Variants in GALNT13 observed in about 807,000 individuals in gnomAD.
GALNT13 encodes polypeptide N-acetylgalactosaminyltransferase 13.
Under a neutral mutation model 64.2 loss-of-function variants are expected in GALNT13, and 28 were observed. That is an observed-to-expected ratio of 0.44 (90% CI 0.32 to 0.60). GALNT13 has a LOEUF of 0.60. Among genes scored for constraint, GALNT13 ranks in the 20% least tolerant of loss-of-function variants. The pLI is 0.05. For missense variants in GALNT13, 577 were observed against 669.8 expected, an observed-to-expected ratio of 0.86 and a Z score of 1.53; for synonymous variants, 214 against 224.6, an observed-to-expected ratio of 0.95 and a Z score of 0.42.
chr2:154,127,451 T>C (rs1298462482), intron 3 of GALNT13, among the ~76,000 whole-genome samples: 1 of 152,024 alleles, frequency 6.6e-6, no homozygotes, highest in African/African-American at 2.4e-5. Context: ...CAGAAGTAAA[T>C]TAAAACCACA....
At chr2:154,405,051 C>T (rs368112786) in intron 10 of GALNT13, among the ~76,000 whole-genome samples, 1 of 152,034 alleles carries the variant, frequency 6.6e-6, no homozygotes, top group Non-Finnish European at 1.5e-5. Flanking sequence ...AGAATGGTAT[C>T]TCTGCAAACA....
the GALNT13 span, among the ~76,000 whole-genome samples, chr2:153,472,895 G>A: frequency 7.2e-5 from 11 of 152,138 alleles, no homozygotes; most frequent in Non-Finnish European, 5.9e-5. Flanking sequence ...GAACATGGAT[G>A]AAGCTGGAAA....
chr2:154,271,281 G>T (rs1237855955), intron 8 of GALNT13, among the ~76,000 whole-genome samples: 1 of 151,958 alleles, frequency 6.6e-6, no homozygotes, highest in African/African-American at 2.4e-5. Context: ...GCAACGCATA[G>T]AATAATTGGC....
chr2:153,271,473 A>C, the GALNT13 span, among the ~76,000 whole-genome samples: 6 of 152,120 alleles, frequency 3.9e-5, no homozygotes. Flanking sequence ...CTATACACCA[A>C]TAATAGGCAG....
the GALNT13 span, among the ~76,000 whole-genome samples, chr2:153,135,695 A>C: frequency 2.0e-5 from 3 of 152,018 alleles, no homozygotes; most frequent in Non-Finnish European, 2.9e-5. Flanking sequence ...TTAGGACTTC[A>C]TTATACTTTT....
intron 1 of GALNT13, among the ~76,000 whole-genome samples, chr2:153,887,394 G>A (rs544965012): frequency 1.3e-5 from 2 of 150,982 alleles, no homozygotes; most frequent in East Asian, 3.9e-4. Context: ...AGACCTGGAA[G>A]AGTTATTGTA....
chr2:153,797,746 T>C, the GALNT13 span, among the ~76,000 whole-genome samples: 5 of 152,196 alleles, frequency 3.3e-5, no homozygotes, highest in African/African-American at 1.2e-4. Flanking sequence ...GATAAAATTA[T>C]GATAAAGACA....
At chr2:153,157,457 G>A in the GALNT13 span, among the ~76,000 whole-genome samples, 15 of 152,050 alleles carry the variant, frequency 9.9e-5, no homozygotes, top group Admixed American at 2.0e-4. Context: ...GATTATTCTC[G>A]TTTTTCTGTT....
the GALNT13 span, among the ~76,000 whole-genome samples, chr2:153,524,684 A>C: frequency 6.6e-6 from 1 of 152,176 alleles, no homozygotes; most frequent in Non-Finnish European, 1.5e-5. Context: ...ATACTCATGG[A>C]AGGAGCATTT....
At chr2:154,058,541 G>T (rs1174702804) in intron 3 of GALNT13, among the ~76,000 whole-genome samples, 2 of 152,198 alleles carry the variant, frequency 1.3e-5, no homozygotes, top group Admixed American at 6.5e-5. Context: ...ACAACATTAA[G>T]TAGGAGGTCT....
rs114494259 is a variant in GALNT13, at chr2:154,339,792, G to C, written c.1156+38203G>C. Among the ~76,000 whole-genome samples the C allele has an allele frequency of 2.5e-3, 382 of 152,032 alleles. 4 individuals carry two copies. Among genetic ancestry groups the C allele is most frequent in the African/African-American group, 8.9e-3 (368 of 41,488 alleles). The stretch of plus-strand genomic sequence containing the variant: ...AACTTTATTTTGATAATCAATTTTG[G>C]TTCCTGAGCTTTCTCTCTCTGTATA... On this transcript the variant is annotated intron_variant, in intron 9 of 12. Coordinates refer to ENST00000392825, the MANE Select transcript of GALNT13 (RefSeq NM_052917.4).
At chr2:153,605,744 T>C in the GALNT13 span, among the ~76,000 whole-genome samples, 2 of 152,128 alleles carry the variant, frequency 1.3e-5, no homozygotes, top group Non-Finnish European at 1.5e-5. Flanking sequence ...CAAAACTGTC[T>C]CCAAAAGGGG....
the GALNT13 span, among the ~76,000 whole-genome samples, chr2:153,404,787 A>G: frequency 1.3e-5 from 2 of 152,266 alleles, no homozygotes; most frequent in East Asian, 3.8e-4. Flanking sequence ...TAAATTCAGT[A>G]AACGAGACTG....
intron 3 of GALNT13, among the ~76,000 whole-genome samples, chr2:153,945,417 G>A (rs536138738): frequency 6.6e-6 from 1 of 152,086 alleles, no homozygotes; most frequent in East Asian, 1.9e-4. Context: ...AAATATGTAA[G>A]AGTACTCAAA....
At chr2:153,285,555 C>T in the GALNT13 span, among the ~76,000 whole-genome samples, 427 of 152,128 alleles carry the variant, frequency 2.8e-3, 2 homozygotes, top group Non-Finnish European at 4.7e-3. Flanking sequence ...AATATTTACA[C>T]GACAATATGT....
chr2:153,272,523 A>C, the GALNT13 span, among the ~76,000 whole-genome samples: 1 of 152,226 alleles, frequency 6.6e-6, no homozygotes, highest in Non-Finnish European at 1.5e-5. Flanking sequence ...GCTCATCATC[A>C]CTGGTCATTA....
the GALNT13 span, among the ~76,000 whole-genome samples, chr2:153,297,292 C>G: frequency 6.6e-6 from 1 of 152,066 alleles, no homozygotes; most frequent in Non-Finnish European, 1.5e-5. Context: ...ATATCAAAGA[C>G]AGAATAACAA....
At chr2:153,450,050 TAGAGTTGACTGCTAC>T in the GALNT13 span, among the ~76,000 whole-genome samples, 2 of 152,172 alleles carry the variant, frequency 1.3e-5, no homozygotes, top group African/African-American at 4.8e-5. Context: ...ATGGCTTGGA[TAGAGTTGACTGCTAC>T]AGAGGCATTT....
the GALNT13 span, among the ~76,000 whole-genome samples, chr2:153,073,894 A>AGC: frequency 6.6e-6 from 1 of 152,132 alleles, no homozygotes; most frequent in African/African-American, 2.4e-5. Context: ...TTTTAAGAGA[A>AGC]GCTGAGTTGT....
Sources: allele counts gnomAD v4.1 joint callset (sites outside exome capture counted in the v4.1 genomes callset), GRCh38; gene constraint gnomAD v4.1.1; transcripts MANE v1.5; gene names NCBI Gene and HGNC (gene_info 2026-07-23, HGNC 2026-07-21).